ERBB4: variants seen among roughly 807,000 people sequenced by gnomAD.
ERBB4 encodes erb-b2 receptor tyrosine kinase 4.
A neutral mutation model predicts 158.0 loss-of-function variants in ERBB4; 42 were observed. The observed-to-expected ratio is 0.27, with a 90% CI of 0.21 to 0.34. ERBB4 has a LOEUF of 0.34. Ranked by LOEUF, ERBB4 falls within the 10% of genes least tolerant of loss-of-function variation. The probability of loss-of-function intolerance (pLI) is 1.00; values close to 1 mark genes in which losing one functional copy is unlikely to be tolerated. For missense variants in ERBB4, 1,333 were observed against 1,624.1 expected (o/e 0.82, Z 3.08); for synonymous variants, 583 against 558.7 (o/e 1.04, Z -0.61).
chr2:211,509,556 G>A (rs866871505), intron 20 of ERBB4, among the ~76,000 whole-genome samples: 2 of 151,856 alleles, frequency 1.3e-5, no homozygotes. Context: ...TTAAAACCAA[G>A]TCCCCAAAAG....
At position 212,364,521 on chromosome 2, in the gene ERBB4, T is replaced by C. The variant is rs1410105495; in HGVS notation, c.82+173928A>G. Among the ~76,000 whole-genome samples the C allele has an allele frequency of 3.3e-5, 5 of 151,910 alleles. No homozygotes were observed. In the South Asian group the frequency reaches 8.3e-4, roughly 25 times the overall value. On this transcript the variant is annotated intron_variant, in intron 1 of 27. Transcript: ENST00000342788. ...AATGTAAGCTCTCCCAGAAGGCTCA[T>C]ACTTATTTTTCCCCCTCTAAAATGT...
In ERBB4 at chr2:212,077,663, A is replaced by G. The variant is rs565457072; in HGVS notation, c.234+47089T>C. Among the ~76,000 whole-genome samples, 8 of 152,160 alleles carry G rather than the reference A, an allele frequency of 5.3e-5. No homozygotes were observed. In the South Asian group the frequency reaches 1.7e-3, roughly 32 times the overall value. On this transcript the variant is annotated intron_variant, in intron 2 of 27. Transcript: ENST00000342788. ...AAGGAGGACAGGGATGGGCAAAGGC[A>G]AGCAGGGGACTTAAGAGAAGCTGGT... is the stretch of plus-strand genomic sequence containing the variant.
intron 19 of ERBB4, among the ~76,000 whole-genome samples, chr2:211,614,146 T>C (rs770097653): frequency 6.6e-6 from 1 of 152,032 alleles, no homozygotes; most frequent in Non-Finnish European, 1.5e-5. Flanking sequence ...GAGATCATTA[T>C]GTTAAGTGAA....
At chr2:212,077,412 T>C (rs1040158253) in intron 2 of ERBB4, among the ~76,000 whole-genome samples, 2 of 151,978 alleles carry the variant, frequency 1.3e-5, no homozygotes, top group African/African-American at 2.4e-5. Context: ...TAAATTATGA[T>C]ATATTTGTTT....
chr2:211,745,520 G>T (rs527782732), intron 5 of ERBB4, among the ~76,000 whole-genome samples: 1 of 152,144 alleles, frequency 6.6e-6, no homozygotes, highest in African/African-American at 2.4e-5. Context: ...ACTTCACAAG[G>T]TGGAACTGGC....
chr2:212,362,583 T>G (rs1318453744), intron 1 of ERBB4, among the ~76,000 whole-genome samples: 2 of 150,802 alleles, frequency 1.3e-5, no homozygotes, highest in Non-Finnish European at 1.5e-5. Context: ...GGTTATGAGA[T>G]CCAAAGAATG....
chr2:212,115,059 A>C (rs568445525), intron 2 of ERBB4, among the ~76,000 whole-genome samples: 1 of 152,282 alleles, frequency 6.6e-6, no homozygotes, highest in African/African-American at 2.4e-5. Context: ...TCTTATTTTC[A>C]GGTAGAAATT....
intron 1 of ERBB4, among the ~76,000 whole-genome samples, chr2:212,351,929 G>A (rs534820793): frequency 2.8e-4 from 42 of 152,224 alleles, no homozygotes; most frequent in African/African-American, 8.9e-4. Flanking sequence ...ATGTCTATCA[G>A]TGGTAGACTG....
rs1401131440 is a variant in ERBB4 at position 211,386,943 on chromosome 2, C to T, written c.3391G>A (p.Asp1131Asn). ...CGTTCTGGGGCAAACACGGTGGGGTCAGCACTGTACCTCTGGGTGCTACTG... is the reference window on the plus strand; with the variant it reads ...CGTTCTGGGGCAAACACGGTGGGGTTAGCACTGTACCTCTGGGTGCTACTG... Reference protein sequence around the residue: ...EDSSTQRYSADPTVFAPERSP... With the variant: ...EDSSTQRYSANPTVFAPERSP... Residue 1131 changes from aspartate to asparagine, a missense_variant, in exon 27 of 28, where the codon GAC becomes AAC. By Grantham distance (23) the Asp-to-Asn change is conservative (BLOSUM62 1). Transcript: ENST00000342788. The T allele has an allele frequency of 5.0e-6, 8 of 1,614,110 alleles. No individual in the cohort carries two copies. The highest frequency in any genetic ancestry group is 5.9e-6 in the Non-Finnish European group (7 of 1,179,988).
intron 1 of ERBB4, among the ~76,000 whole-genome samples, chr2:212,333,965 A>G (rs2088307512): frequency 1.3e-5 from 2 of 152,084 alleles, no homozygotes; most frequent in African/African-American, 4.8e-5. Flanking sequence ...CATTACAAGC[A>G]CACTGGACTG....
intron 20 of ERBB4, among the ~76,000 whole-genome samples, chr2:211,497,383 A>G (rs2065495287): frequency 6.6e-6 from 1 of 152,146 alleles, no homozygotes; most frequent in Non-Finnish European, 1.5e-5. Context: ...TTTCAAAAGT[A>G]CAGAATAAAC....
chr2:211,951,430 T>C (rs1004287535), intron 2 of ERBB4, among the ~76,000 whole-genome samples: 2 of 152,054 alleles, frequency 1.3e-5, no homozygotes, highest in Non-Finnish European at 2.9e-5. Flanking sequence ...CCAAGAAAAA[T>C]GCTGAACACA....
chr2:211,735,246 A>C (rs2074567423), intron 5 of ERBB4, among the ~76,000 whole-genome samples: 1 of 152,132 alleles, frequency 6.6e-6, no homozygotes, highest in Admixed American at 6.6e-5. Context: ...TACTAAAATA[A>C]CCTGTGCATT....
At position 211,424,176 on chromosome 2, in the gene ERBB4, C is replaced by T. The variant is rs376298364; in HGVS notation, c.2845G>A (p.Val949Ile). 228 of 1,613,156 alleles carry T rather than the reference C, an allele frequency of 1.4e-4. No homozygotes were observed. The highest frequency in any genetic ancestry group is 1.7e-4 in the Non-Finnish European group (200 of 1,179,410). ...TTACATTTGACCATGACCATGTAAA[C>T]GTCAATAGTGCAGATGGGAGGCTGA... ...LPQPPICTID[V>I]YMVMVKCWMI... The change falls in exon 23 of 28, where the codon GTT (valine) becomes ATT (isoleucine). Residue 949 changes from valine to isoleucine, a missense_variant. Physicochemically the swap from Val to Ile is conservative, Grantham distance 29. Transcript: ENST00000342788.
intron 5 of ERBB4, among the ~76,000 whole-genome samples, chr2:211,749,636 A>C (rs568918655): frequency 6.6e-6 from 1 of 152,256 alleles, no homozygotes; most frequent in African/African-American, 2.4e-5. Context: ...TTTTTCCTAT[A>C]TTTTTATTCT....
chr2:211,395,054 C>T (rs760912217), intron 25 of ERBB4, among the ~76,000 whole-genome samples: 16 of 152,052 alleles, frequency 1.1e-4, no homozygotes, highest in Non-Finnish European at 1.9e-4. Flanking sequence ...CAAGCCCACA[C>T]GATTAGTTAT....
intron 1 of ERBB4, among the ~76,000 whole-genome samples, chr2:212,379,570 C>A (rs997566620): frequency 2.0e-5 from 3 of 151,530 alleles, no homozygotes; most frequent in African/African-American, 7.3e-5. Context: ...TTTAAAAATT[C>A]TTTGTCAATC....
chr2:212,148,235 C>A (rs915829917), intron 1 of ERBB4, among the ~76,000 whole-genome samples: 1 of 151,482 alleles, frequency 6.6e-6, no homozygotes, highest in Admixed American at 6.6e-5. Flanking sequence ...GATTATTCTA[C>A]TTTTTTATGC....
chr2:212,137,488 C>A (rs915192296), intron 1 of ERBB4, among the ~76,000 whole-genome samples: 10 of 152,248 alleles, frequency 6.6e-5, no homozygotes, highest in South Asian at 4.1e-4. Context: ...TCATCCATGT[C>A]TCTGCCAAGG....
Sources: gnomAD v4.1 joint callset for allele counts (sites outside exome capture counted in the v4.1 genomes callset) on GRCh38, gnomAD v4.1.1 for gene constraint, MANE v1.5 for transcripts, NCBI Gene and HGNC (gene_info 2026-07-23, HGNC 2026-07-21) for gene names.